ITSN2: variants seen among roughly 807,000 people sequenced by gnomAD.
The protein encoded by ITSN2 is intersectin-2.
A neutral mutation model predicts 243.7 loss-of-function variants in ITSN2; 156 were observed. The observed-to-expected ratio is 0.64, with a 90% CI of 0.56 to 0.73. The LOEUF (loss-of-function observed/expected upper bound fraction) is 0.73. Ranked by LOEUF, ITSN2 falls within the 30% of genes least tolerant of loss-of-function variation. The probability of loss-of-function intolerance (pLI) is 0.00; values close to 1 mark genes in which losing one functional copy is unlikely to be tolerated. For synonymous variants in ITSN2, 703 were observed against 699.9 expected (o/e 1.00, Z -0.07); for missense variants, 1,801 against 1,996.1 (o/e 0.90, Z 1.86).
At chr2:24,334,612 A>G (rs1402607689) in intron 1 of ITSN2, 20 of 1,123,842 alleles carry the variant, frequency 1.8e-5, no homozygotes, top group African/African-American at 1.5e-5. Flanking sequence ...AATTCTCTGT[A>G]TGCCCAGGGA....
chr2:24,203,525 G>A lies in ITSN2; in HGVS notation c.*101C>T. On this transcript the variant is annotated 3_prime_UTR_variant, in exon 40 of 40. Transcript: ENST00000355123. ...CCCAGCGTGCATGGCTTTGTGAGGG[G>A]TGAAGCTGCATGGTGCTCCCTCAGC... 1 of 1,211,276 alleles carries A rather than the reference G, an allele frequency of 8.3e-7. No homozygotes were observed. The highest frequency in any genetic ancestry group is 1.1e-6 in the Non-Finnish European group (1 of 879,498). 75.0% of individuals were successfully genotyped at this position (1,211,276 alleles called of 1,614,324 possible). A position where few individuals can be genotyped will look rare whatever the true frequency, so the allele number is the denominator to read the frequency against.
At chr2:24,205,685 T>G in intron 37 of ITSN2, 1 of 232,250 alleles carries the variant, frequency 4.3e-6, no homozygotes, top group South Asian at 7.2e-5. Context: ...GGGTAGAGCA[T>G]GGACTGTTTC....
intron 30 of ITSN2, among the ~76,000 whole-genome samples, chr2:24,219,450 T>C (rs1413848925): frequency 2.0e-5 from 3 of 152,212 alleles, no homozygotes; most frequent in Non-Finnish European, 4.4e-5. Flanking sequence ...GCCGGCCTGC[T>C]CGGAGGCTGC....
intron 29 of ITSN2, among the ~76,000 whole-genome samples, chr2:24,229,065 AGT>A (rs1671321246): frequency 2.1e-3 from 2 of 974 alleles, no homozygotes; most frequent in Admixed American, 0.012. Context: ...AAAGCCTCAA[AGT>A]GTAAAATAAA....
At chr2:24,337,485 G>A in intron 1 of ITSN2, among the ~76,000 whole-genome samples, 1 of 148,732 alleles carries the variant, frequency 6.7e-6, no homozygotes. Flanking sequence ...CAAGTAGCTG[G>A]GATTACAGGC....
intron 35 of ITSN2, 45 bp from the exon 36 acceptor site, chr2:24,209,266 A>G (rs993198818): frequency 1.3e-6 from 2 of 1,597,666 alleles, no homozygotes; most frequent in African/African-American, 2.7e-5. Context: ...ATGGGCTAGA[A>G]CACTCCACCC....
At chr2:24,360,041 G>GA (rs143178479) in intron 1 of ITSN2, among the ~76,000 whole-genome samples, 1,654 of 152,202 alleles carry the variant, frequency 0.011, 26 homozygotes, top group African/African-American at 0.038. Flanking sequence ...TCGGCCGCAA[G>GA]GAAGGGGCAG....
chr2:24,344,109 G>A (rs1687304137), intron 1 of ITSN2, among the ~76,000 whole-genome samples: 1 of 152,116 alleles, frequency 6.6e-6, no homozygotes, highest in African/African-American at 2.4e-5. Context: ...ACATATTACA[G>A]ATATCCTTCC....
At chr2:24,210,625 A>G (rs984133444) in intron 34 of ITSN2, among the ~76,000 whole-genome samples, 155 bp downstream of exon 34, 2 of 151,536 alleles carry the variant, frequency 1.3e-5, no homozygotes, top group Non-Finnish European at 2.9e-5. Context: ...AAAAAAAAAA[A>G]AAAAAAAAAG....
intron 1 of ITSN2, among the ~76,000 whole-genome samples, chr2:24,329,351 C>T (rs1685525410): frequency 6.6e-6 from 1 of 152,206 alleles, no homozygotes; most frequent in Non-Finnish European, 1.5e-5. Context: ...ACCTCACCTC[C>T]CGGGTTCAAG....
At position 24,324,368 on chromosome 2, in the gene ITSN2, T is replaced by C. The variant is rs531590311; in HGVS notation, c.31+3684A>G. On this transcript the variant is annotated intron_variant, in intron 2 of 39. Transcript: ENST00000355123. The stretch of plus-strand genomic sequence containing the variant: ...AAAAGAGAGTTCTGCTGCATCAAGA[T>C]TGATGCACCAATGCTCATCACAGTA... 4.6e-5 allele frequency among the ~76,000 whole-genome samples: 7 copies of C among 152,262 alleles called. No homozygotes were observed. In the East Asian group the frequency reaches 7.7e-4, roughly 17 times the overall value.
At chr2:24,241,706 A>C (rs1282951814) in intron 29 of ITSN2, 1 of 152,654 alleles carries the variant, frequency 6.6e-6, no homozygotes, top group Non-Finnish European at 1.5e-5. Context: ...ATATTGAGCT[A>C]ATTAAGAGCT....
At chr2:24,358,564 T>C (rs971872188) in intron 1 of ITSN2, among the ~76,000 whole-genome samples, 3 of 152,190 alleles carry the variant, frequency 2.0e-5, no homozygotes, top group African/African-American at 4.8e-5. Context: ...AGATGGAAAT[T>C]TGTGAAACTC....
chr2:24,301,043 A>G (rs1046899625), intron 11 of ITSN2, 111 bp downstream of exon 11: 21 of 592,220 alleles, frequency 3.5e-5, no homozygotes, highest in South Asian at 8.9e-5. Flanking sequence ...GTTTTTTCTC[A>G]TATAGCACAT....
At chr2:24,354,069 A>C (rs1688244190) in intron 1 of ITSN2, among the ~76,000 whole-genome samples, 1 of 152,368 alleles carries the variant, frequency 6.6e-6, no homozygotes, top group South Asian at 2.1e-4. Flanking sequence ...ATGAAAATTA[A>C]AACAGCAGCC....
chr2:24,301,961 T>C lies in ITSN2; in HGVS notation c.995+4A>G, dbSNP rs1479722673. 6.2e-7 allele frequency: 1 copy of C among 1,605,610 alleles called. No individual in the cohort carries two copies. The highest frequency in any genetic ancestry group is 2.3e-5 in the East Asian group (1 of 44,324). On this transcript the variant is annotated splice_donor_region_variant and intron_variant, in intron 10 of 39. Coordinates refer to ENST00000355123, the MANE Select transcript of ITSN2 (RefSeq NM_006277.3). ...CATAGTTCTCCACCTCCAGGCACAC[T>C]CACCTGAAAGATGGAGGAACAAGCT...
rs753781770 is a variant in ITSN2, at chr2:24,218,054, G to T, written c.3700-41C>A. 7 of 1,319,172 alleles carry T rather than the reference G, an allele frequency of 5.3e-6. No homozygotes were observed. The South Asian group carries it at 5.9e-5, about 11-fold the overall frequency. The allele number at this position is 1,319,172 out of a possible 1,614,324, so 81.7% of individuals were successfully genotyped here. On this transcript the variant is annotated intron_variant, in intron 30 of 39. Coordinates refer to ENST00000355123, the MANE Select transcript of ITSN2 (RefSeq NM_006277.3). ...AGAAAAACTAGTTAGCTTAAGTGTG[G>T]ATACACAGCCTACGTGTGGTCTAAA...
At chr2:24,268,540 C>T (rs1676951014) in intron 20 of ITSN2, among the ~76,000 whole-genome samples, 1 of 152,160 alleles carries the variant, frequency 6.6e-6, no homozygotes, top group Non-Finnish European at 1.5e-5. Context: ...GTACGTTCTA[C>T]ACACTGATCT....
chr2:24,276,149 A>C (rs1478439357), intron 17 of ITSN2, among the ~76,000 whole-genome samples: 1 of 152,230 alleles, frequency 6.6e-6, no homozygotes, highest in Non-Finnish European at 1.5e-5. Context: ...TAAAAAAAGC[A>C]ATCCATTAAA....
Sources: allele counts gnomAD v4.1 joint callset (sites outside exome capture counted in the v4.1 genomes callset), GRCh38; gene constraint gnomAD v4.1.1; transcripts MANE v1.5; gene names NCBI Gene and HGNC (gene_info 2026-07-23, HGNC 2026-07-21).